The following BTBD10 variants were observed in gnomAD, a reference collection of about 807,000 sequenced individuals.
The protein encoded by BTBD10 is BTB/POZ domain-containing protein 10.
In BTBD10, 21 loss-of-function variants were observed where a neutral mutation model predicts 53.2. The observed-to-expected ratio is 0.39, with a 90% CI of 0.28 to 0.57. The LOEUF (loss-of-function observed/expected upper bound fraction) is 0.57, where lower values mean the gene tolerates loss of function less well. Ranked by LOEUF, BTBD10 falls within the 20% of genes least tolerant of loss-of-function variation. The pLI is 0.53. For missense variants in BTBD10, 360 were observed against 594.7 expected, an observed-to-expected ratio of 0.61 and a Z score of 4.10; for synonymous variants, 149 against 192.7, an observed-to-expected ratio of 0.77 and a Z score of 1.88.
chr11:13,454,410 G>A (rs754171140), intron 1 of BTBD10, among the ~76,000 whole-genome samples: 2 of 152,172 alleles, frequency 1.3e-5, no homozygotes, highest in Non-Finnish European at 2.9e-5. Context: ...TCAAAGATGT[G>A]CCTATTTAAA....
At chr11:13,432,695 AAAG>A (rs1037509458) in intron 2 of BTBD10, among the ~76,000 whole-genome samples, 1 of 152,126 alleles carries the variant, frequency 6.6e-6, no homozygotes, top group Non-Finnish European at 1.5e-5. Context: ...TAAAAAAATT[AAAG>A]AATAAGAAAA....
chr11:13,454,901 A>G, intron 1 of BTBD10, among the ~76,000 whole-genome samples: 1 of 151,982 alleles, frequency 6.6e-6, no homozygotes, highest in East Asian at 1.9e-4. Flanking sequence ...TTATTTATTT[A>G]TTTGTATTTA....
chr11:13,403,086 C>T lies in BTBD10; in HGVS notation c.1117+82G>A, dbSNP rs530510873. On this transcript the variant is annotated intron_variant, in intron 8 of 8. Coordinates refer to ENST00000278174, the MANE Select transcript of BTBD10 (RefSeq NM_032320.7). ...CAGAGTTTTTCTCAAAGTATTCCAA[C>T]TGTATTCTAAATAAGATCCAATTGT... 2.5e-4 allele frequency: 215 copies of T among 870,860 alleles called. No homozygotes were observed. The African/African-American group carries it at 3.7e-3, about 15-fold the overall frequency. The allele number at this position is 870,860 out of a possible 1,614,324, so 53.9% of individuals were successfully genotyped here. A position where few individuals can be genotyped will look rare whatever the true frequency, so the allele number is the denominator to read the frequency against.
intron 8 of BTBD10, among the ~76,000 whole-genome samples, chr11:13,401,402 A>C (rs1949714046): frequency 6.6e-6 from 1 of 152,090 alleles, no homozygotes; most frequent in Non-Finnish European, 1.5e-5. Context: ...GAACTAGACC[A>C]CATGTTAGGT....
At chr11:13,450,973 G>A (rs897427310) in intron 1 of BTBD10, among the ~76,000 whole-genome samples, 10 of 152,116 alleles carry the variant, frequency 6.6e-5, no homozygotes, top group Admixed American at 5.2e-4. Flanking sequence ...TTTTTGCTGA[G>A]TGGCCTCCCC....
intron 2 of BTBD10, among the ~76,000 whole-genome samples, chr11:13,436,128 G>A (rs1190378289): frequency 6.6e-6 from 1 of 152,148 alleles, no homozygotes; most frequent in Non-Finnish European, 1.5e-5. Context: ...AAGTGTCCTC[G>A]AATTGGCTGA....
chr11:13,434,418 G>GTATT (rs566519646), intron 2 of BTBD10, among the ~76,000 whole-genome samples: 92 of 152,258 alleles, frequency 6.0e-4, no homozygotes, highest in African/African-American at 2.1e-3. Context: ...AAATATAGAA[G>GTATT]GGAATAGTAA....
intron 5 of BTBD10, among the ~76,000 whole-genome samples, chr11:13,414,162 T>G (rs1950034226): frequency 6.6e-6 from 1 of 152,204 alleles, no homozygotes; most frequent in African/African-American, 2.4e-5. Context: ...CCATTAGATA[T>G]TCTTCTTTTA....
intron 5 of BTBD10, among the ~76,000 whole-genome samples, chr11:13,416,671 G>GT (rs1182523344): frequency 2.0e-5 from 3 of 151,990 alleles, no homozygotes; most frequent in Admixed American, 2.0e-4. Flanking sequence ...TGTATTATTT[G>GT]TATGTACTAA....
intron 8 of BTBD10, among the ~76,000 whole-genome samples, chr11:13,398,104 T>G (rs1183884576): frequency 1.3e-5 from 2 of 152,182 alleles, no homozygotes; most frequent in East Asian, 1.9e-4. Context: ...CCTTGTTAAC[T>G]TTCTGTCTCA....
intron 5 of BTBD10, among the ~76,000 whole-genome samples, chr11:13,414,921 A>G (rs995334067): frequency 2.6e-5 from 4 of 151,428 alleles, no homozygotes; most frequent in African/African-American, 9.7e-5. Context: ...CCAGTAACAC[A>G]ATTTCTAAGG....
At chr11:13,424,531 C>T (rs754655989) in intron 2 of BTBD10, among the ~76,000 whole-genome samples, 1 of 152,104 alleles carries the variant, frequency 6.6e-6, no homozygotes, top group Non-Finnish European at 1.5e-5. Context: ...ATTAAGAAAT[C>T]ACTTTAAAGG....
chr11:13,409,417 T>C (rs1309809499), intron 6 of BTBD10, among the ~76,000 whole-genome samples: 2 of 152,202 alleles, frequency 1.3e-5, no homozygotes, highest in South Asian at 2.1e-4. Flanking sequence ...TTGTTCATAC[T>C]GAATCCCCAA....
chr11:13,414,308 A>G (rs1181455144), intron 5 of BTBD10, among the ~76,000 whole-genome samples: 2 of 152,176 alleles, frequency 1.3e-5, no homozygotes, highest in Admixed American at 1.3e-4. Flanking sequence ...ATTCTTTTCA[A>G]TTCCACAAGG....
In BTBD10 at chr11:13,439,958, T is replaced by G; in HGVS notation, c.101+5066A>C. ...TTGAAATCAGAGTATAAAGGGACTC[T>G]GCTCTTTCAAACAATGAAGCACTGA... On this transcript the variant is annotated intron_variant, in intron 2 of 8. Transcript: ENST00000278174. 2.0e-6 allele frequency: 3 copies of G among 1,535,036 alleles called. No homozygotes were observed. In the South Asian group the frequency reaches 3.6e-5, roughly 18 times the overall value.
At chr11:13,433,816 T>C (rs1431876263) in intron 2 of BTBD10, among the ~76,000 whole-genome samples, 1 of 152,168 alleles carries the variant, frequency 6.6e-6, no homozygotes, top group Non-Finnish European at 1.5e-5. Context: ...GACCCCTGTA[T>C]TAAATGTCAA....
At chr11:13,416,495 C>T (rs907649887) in intron 5 of BTBD10, among the ~76,000 whole-genome samples, 2 of 152,114 alleles carry the variant, frequency 1.3e-5, no homozygotes, top group Non-Finnish European at 2.9e-5. Context: ...ATCAAGTAGT[C>T]ATATTCATTC....
chr11:13,413,712 T>G, intron 5 of BTBD10, 62 bp from the exon 6 acceptor site: 6 of 1,469,886 alleles, frequency 4.1e-6, no homozygotes, highest in Non-Finnish European at 5.5e-6. Context: ...CAAAACTTAT[T>G]ATTAAGGAAG....
In BTBD10 at chr11:13,388,511, G is replaced by C. The variant is rs767365124; in HGVS notation, c.*320C>G. The stretch of plus-strand genomic sequence containing the variant: ...TGATGAATATCAGTCCAAACTGAAA[G>C]TACCCCAGCTGCCAATTTCCACCAC... On this transcript the variant is annotated 3_prime_UTR_variant, in exon 9 of 9. Coordinates refer to ENST00000278174, the MANE Select transcript of BTBD10 (RefSeq NM_032320.7). 5.7e-4 allele frequency: 135 copies of C among 237,556 alleles called. No homozygotes were observed. The highest frequency in any genetic ancestry group is 1.0e-3 in the Non-Finnish European group (122 of 120,360). 14.7% of individuals were successfully genotyped at this position (237,556 alleles called of 1,614,324 possible).
Sources: gnomAD v4.1 joint callset for allele counts (sites outside exome capture counted in the v4.1 genomes callset) on GRCh38, gnomAD v4.1.1 for gene constraint, MANE v1.5 for transcripts, NCBI Gene and HGNC (gene_info 2026-07-23, HGNC 2026-07-21) for gene names.